The following COQ2 variants were observed in gnomAD, a reference collection of about 807,000 sequenced individuals.
COQ2 encodes the protein 4-hydroxybenzoate polyprenyltransferase, mitochondrial.
In COQ2, 25 loss-of-function variants were observed where a neutral mutation model predicts 35.7. The observed-to-expected ratio is 0.70, with a 90% CI of 0.51 to 0.98. The LOEUF (loss-of-function observed/expected upper bound fraction) is 0.98. Among genes scored for constraint, COQ2 ranks in the 50% least tolerant of loss-of-function variants. The pLI is 0.00. For missense variants in COQ2, 488 were observed against 473.5 expected, an observed-to-expected ratio of 1.03 and a Z score of -0.28; for synonymous variants, 206 against 186.2, an observed-to-expected ratio of 1.11 and a Z score of -0.86.
In COQ2 at chr4:83,284,524, C is replaced by T. The variant is rs868334561; in HGVS notation, c.241G>A (p.Asp81Asn). ...LQPYLRLMRLDKPIGTWLLYL... is the reference protein window; with the variant it reads ...LQPYLRLMRLNKPIGTWLLYL... ...CGCCCGCACTCACCAATGGGCTTGT[C>T]CAACCGCATGAGGCGCAAGTACGGC... The change falls in exon 1 of 7, where the codon GAC (aspartate) becomes AAC (asparagine). Residue 81 changes from aspartate (D) to asparagine (N), a missense_variant. Coordinates refer to ENST00000647002, the MANE Select transcript of COQ2 (RefSeq NM_001358921.2). 1 of 1,574,572 alleles carries T rather than the reference C, an allele frequency of 6.4e-7. No homozygotes were observed. Among genetic ancestry groups the T allele is most frequent in the South Asian group, 1.2e-5 (1 of 86,146 alleles).
intron 2 of COQ2, among the ~76,000 whole-genome samples, chr4:83,275,057 T>C (rs1220648143): frequency 6.6e-6 from 1 of 152,248 alleles, no homozygotes; most frequent in Non-Finnish European, 1.5e-5. Flanking sequence ...TTTTCATTTG[T>C]TTCAAGAATG....
At chr4:83,274,216 A>G (rs1735114040) in intron 2 of COQ2, among the ~76,000 whole-genome samples, 1 of 152,214 alleles carries the variant, frequency 6.6e-6, no homozygotes, top group East Asian at 1.9e-4. Context: ...TAACATGTTC[A>G]ATTTCCACAG....
At chr4:83,278,892 A>G (rs1735244501) in intron 2 of COQ2, 56 bp downstream of exon 2, 2 of 1,466,638 alleles carry the variant, frequency 1.4e-6, no homozygotes, top group Non-Finnish European at 1.8e-6. Context: ...TGATACCACT[A>G]TGTTATTCTG....
rs757390151 is a variant in COQ2, at chr4:83,267,706, C to T, written c.831G>A (p.Pro277=). 1.4e-5 allele frequency: 22 copies of T among 1,554,364 alleles called. No homozygotes were observed. The highest frequency in any genetic ancestry group is 5.9e-5 in the Admixed American group (3 of 51,188). Residue 277 remains proline (P), a synonymous_variant, in exon 6 of 7, where the codon CCG becomes CCA. Transcript: ENST00000647002. ...TTGCAACACTGAAGCCGCTGAGCCA[C>T]GGCTTGGTATTTTCTCCGAACCGCA... is the stretch of plus-strand genomic sequence containing the variant. The part of the protein sequence containing the change: ...TALRFGENTK[P]WLSGFSVAML...
At chr4:83,283,239 T>C in intron 1 of COQ2, 3 of 983,396 alleles carry the variant, frequency 3.1e-6, no homozygotes, top group Non-Finnish European at 3.6e-6. Flanking sequence ...CGGGCAAAAG[T>C]GGAGTAAATG....
At chr4:83,274,397 A>G (rs1370527051) in intron 2 of COQ2, among the ~76,000 whole-genome samples, 1 of 152,026 alleles carries the variant, frequency 6.6e-6, no homozygotes, top group African/African-American at 2.4e-5. Flanking sequence ...GTTTTACCAT[A>G]TTGGCCAAGC....
At chr4:83,283,531 C>T in intron 1 of COQ2, 1 of 985,448 alleles carries the variant, frequency 1.0e-6, no homozygotes, top group Non-Finnish European at 1.2e-6. Flanking sequence ...AGTATAATTT[C>T]TTCTCGAAAC....
At position 83,264,283 on chromosome 4, in the gene COQ2, A is replaced by T; in HGVS notation, c.1032T>A (p.Phe344Leu). 1 of 1,612,526 alleles carries T rather than the reference A, an allele frequency of 6.2e-7. No individual in the cohort carries two copies. The highest frequency in any genetic ancestry group is 1.1e-5 in the South Asian group (1 of 90,630). ...ACAAATTCCCAAGGACAATCCCTAA[A>T]AAAACTATTAGTCCCAGTGTTCGGT... ...ISNRTLGLIV[F>L]LGIVLGNLWK... Residue 344 changes from phenylalanine (F) to leucine (L), a missense_variant, in exon 7 of 7, where the codon TTT becomes TTA. Coordinates refer to ENST00000647002, the MANE Select transcript of COQ2 (RefSeq NM_001358921.2).
At chr4:83,265,239 T>C (rs545938742) in intron 6 of COQ2, among the ~76,000 whole-genome samples, 78 of 152,304 alleles carry the variant, frequency 5.1e-4, no homozygotes, top group Middle Eastern at 3.4e-3. Flanking sequence ...CTTTAAATAC[T>C]AAAAGGCTAC....
chr4:83,266,423 T>C (rs568211300), intron 6 of COQ2, among the ~76,000 whole-genome samples: 10 of 151,888 alleles, frequency 6.6e-5, no homozygotes, highest in Admixed American at 5.9e-4. Flanking sequence ...AGTGGTGTGA[T>C]CTTGGCTCAC....
chr4:83,284,392 C>G, intron 1 of COQ2, 120 bp downstream of exon 1: 2 of 1,421,436 alleles, frequency 1.4e-6, no homozygotes, highest in Non-Finnish European at 1.8e-6. Context: ...GGCAGCCAAG[C>G]CCAAGCTTTC....
intron 2 of COQ2, among the ~76,000 whole-genome samples, chr4:83,276,024 ATTTT>A (rs11337116): frequency 1.4e-5 from 2 of 138,984 alleles, no homozygotes; most frequent in Admixed American, 7.2e-5. Flanking sequence ...TATAATATAT[ATTTT>A]TATATAATAT....
chr4:83,264,224 C>T lies in COQ2; in HGVS notation c.1091G>A (p.Gly364Asp). The T allele has an allele frequency of 6.6e-7, 1 of 1,519,406 alleles. No individual in the cohort carries two copies. The allele number at this position is 1,519,406 out of a possible 1,614,324, so 94.1% of individuals were successfully genotyped here. ...TTAATTTTCTATTTTATTCTCTATA[C>T]CCTTCTTTGTTTTGTCTGTCTTCTT... Reference protein sequence around the residue: ...KEKKTDKTKKGIENKIEN With the variant: ...KEKKTDKTKKDIENKIEN Residue 364 changes from glycine (G) to aspartate (D), a missense_variant, in exon 7 of 7, where the codon GGT becomes GAT. Coordinates refer to ENST00000647002, the MANE Select transcript of COQ2 (RefSeq NM_001358921.2).
chr4:83,264,623 G>A (rs1734868173), intron 6 of COQ2, among the ~76,000 whole-genome samples: 1 of 151,944 alleles, frequency 6.6e-6, no homozygotes, highest in Non-Finnish European at 1.5e-5. Flanking sequence ...CTGGGTGAGA[G>A]AGTGAGACTC....
At chr4:83,278,897 A>G in intron 2 of COQ2, 51 bp downstream of exon 2, 1 of 1,481,132 alleles carries the variant, frequency 6.8e-7, no homozygotes, top group South Asian at 1.4e-5. Context: ...CCACTATGTT[A>G]TTCTGCAGAA....
chr4:83,277,727 T>C (rs1166899828), intron 2 of COQ2, among the ~76,000 whole-genome samples: 1 of 152,104 alleles, frequency 6.6e-6, no homozygotes, highest in African/African-American at 2.4e-5. Flanking sequence ...CCCAGCACTT[T>C]GGGAGGCCGA....
intron 1 of COQ2, chr4:83,284,013 T>C (rs1735389622): frequency 8.1e-6 from 8 of 985,472 alleles, no homozygotes; most frequent in African/African-American, 1.7e-5. Flanking sequence ...AGAGTTCTTC[T>C]GGTCTGGCTC....
At chr4:83,273,697 C>T (rs1735101402) in intron 2 of COQ2, 80 bp from the exon 3 acceptor site, 22 of 1,331,300 alleles carry the variant, frequency 1.7e-5, no homozygotes, top group Non-Finnish European at 2.3e-5. Context: ...GAGACTGGCC[C>T]ATGGTAGGCA....
chr4:83,279,725 G>A (rs569883787), intron 1 of COQ2, among the ~76,000 whole-genome samples: 1 of 152,158 alleles, frequency 6.6e-6, no homozygotes, highest in African/African-American at 2.4e-5. Context: ...ACAGGAGACA[G>A]GAGTAAGAGA....
Sources: gnomAD v4.1 joint callset for allele counts (sites outside exome capture counted in the v4.1 genomes callset) on GRCh38, gnomAD v4.1.1 for gene constraint, MANE v1.5 for transcripts, NCBI Gene and HGNC (gene_info 2026-07-23, HGNC 2026-07-21) for gene names.